Variants in DISP1 observed in about 807,000 individuals in gnomAD.
DISP1 encodes dispatched RND transporter family member 1.
A neutral mutation model predicts 37.3 loss-of-function variants in DISP1; 30 were observed. The observed-to-expected ratio is 0.80, with a 90% CI of 0.60 to 1.09. DISP1 has a LOEUF of 1.09. Ranked by LOEUF, DISP1 falls within the 50% of genes least tolerant of loss-of-function variation. The probability of loss-of-function intolerance (pLI) is 0.00; values close to 1 mark genes in which losing one functional copy is unlikely to be tolerated. For missense variants in DISP1, 1,598 were observed against 1,879.5 expected (o/e 0.85, Z 2.77); for synonymous variants, 634 against 690.2 (o/e 0.92, Z 1.28).
intron 1 of DISP1, among the ~76,000 whole-genome samples, chr1:222,905,286 C>T (rs185010956): frequency 2.0e-3 from 306 of 152,252 alleles, no homozygotes; most frequent in Admixed American, 3.8e-3. Context: ...AAAACATACA[C>T]CTGTGGTAAA....
chr1:222,859,111 G>T (rs769328008), intron 1 of DISP1, among the ~76,000 whole-genome samples: 1 of 152,174 alleles, frequency 6.6e-6, no homozygotes, highest in Non-Finnish European at 1.5e-5. Flanking sequence ...ACTGGATAAA[G>T]AAAATGTGAT....
chr1:222,921,841 C>T (rs1416231982), intron 1 of DISP1, among the ~76,000 whole-genome samples: 1 of 151,926 alleles, frequency 6.6e-6, no homozygotes, highest in Non-Finnish European at 1.5e-5. Flanking sequence ...TATAATAGAA[C>T]CTGTGCCTTT....
At chr1:222,978,531 C>G (rs1481694852) in intron 3 of DISP1, among the ~76,000 whole-genome samples, 15 of 152,138 alleles carry the variant, frequency 9.9e-5, no homozygotes, top group African/African-American at 4.8e-5. Flanking sequence ...TTAATTAGAT[C>G]CGATTTGTCA....
At position 222,893,900 on chromosome 1, in the gene DISP1, A is replaced by G. The variant is rs769838232; in HGVS notation, c.-158-34530A>G. On this transcript the variant is annotated intron_variant, in intron 1 of 8. Transcript: ENST00000675850. The surrounding 1 kb of genome is among the most constrained non-coding windows in gnomAD (Gnocchi z 4.3). ...GTCCCGTGTCCAGGAATAATGAGGTACATGGACAACTGGAGTGTGAGCAAG... is the reference window on the plus strand; with the variant it reads ...GTCCCGTGTCCAGGAATAATGAGGTGCATGGACAACTGGAGTGTGAGCAAG... 5.5e-4 allele frequency among the ~76,000 whole-genome samples: 83 copies of G among 152,210 alleles called. No homozygotes were observed. The highest frequency in any genetic ancestry group is 5.6e-4 in the Non-Finnish European group (38 of 68,032).
chr1:222,927,343 TTTC>T (rs1370139046), intron 1 of DISP1, among the ~76,000 whole-genome samples: 2 of 152,320 alleles, frequency 1.3e-5, no homozygotes, highest in African/African-American at 4.8e-5. Context: ...GCCATTTGTA[TTTC>T]TTCTTTAGAG....
At chr1:222,846,580 G>A (rs963940091) in intron 1 of DISP1, among the ~76,000 whole-genome samples, 1 of 152,242 alleles carries the variant, frequency 6.6e-6, no homozygotes, top group African/African-American at 2.4e-5. Context: ...AAGCAGGGAA[G>A]AGGAGAAATC....
At position 222,983,073 on chromosome 1, in the gene DISP1, T is replaced by G; in HGVS notation, c.510-7T>G. On this transcript the variant is annotated splice_polypyrimidine_tract_variant and splice_region_variant and intron_variant, in intron 3 of 8. Transcript: ENST00000675850. ...GATCATTTTTCCTTTGCTTTTTTTT[T>G]TTTCAGACCATCCAGACCTTTCAAG... 1 of 1,596,208 alleles carries G rather than the reference T, an allele frequency of 6.3e-7. No homozygotes were observed. Among genetic ancestry groups the G allele is most frequent in the Non-Finnish European group, 8.5e-7 (1 of 1,172,928 alleles).
In DISP1 at chr1:222,854,416, C is replaced by T. The variant is rs149883572; in HGVS notation, c.-159+39338C>T. 4.6e-5 allele frequency among the ~76,000 whole-genome samples: 7 copies of T among 152,262 alleles called. No individual in the cohort carries two copies. In the East Asian group the frequency reaches 9.7e-4, roughly 21 times the overall value. ...AAATGCCACATGCTTATAAAACCAT[C>T]AGATCTTGTGAGACTCACTCTTTAT... is the stretch of plus-strand genomic sequence containing the variant. On this transcript the variant is annotated intron_variant, in intron 1 of 8. Transcript: ENST00000675850.
At chr1:222,981,785 A>G (rs886660206) in intron 3 of DISP1, among the ~76,000 whole-genome samples, 13 of 152,236 alleles carry the variant, frequency 8.5e-5, no homozygotes, top group Non-Finnish European at 1.8e-4. Flanking sequence ...TTCTCCAAGT[A>G]TGGTACAGTC....
At chr1:222,948,727 C>A (rs927792279) in intron 3 of DISP1, among the ~76,000 whole-genome samples, 1 of 152,120 alleles carries the variant, frequency 6.6e-6, no homozygotes, top group Admixed American at 6.5e-5. Context: ...CTTCACATTA[C>A]TTTAAAGGAT....
At chr1:222,899,792 T>A (rs369886555) in intron 1 of DISP1, 14 of 152,352 alleles carry the variant, frequency 9.2e-5, no homozygotes, top group African/African-American at 3.1e-4. Context: ...GTCTCACTCT[T>A]GCCCGGGCTG....
At chr1:222,969,370 C>CAAAAAA (rs71178518) in intron 3 of DISP1, among the ~76,000 whole-genome samples, 790 of 29,864 alleles carry the variant, frequency 0.026, 63 homozygotes, top group South Asian at 0.22. Context: ...AACTTGGTCT[C>CAAAAAA]AAAAAAAAAA....
chr1:222,916,518 T>G lies in DISP1; in HGVS notation c.-158-11912T>G, dbSNP rs560919325. On this transcript the variant is annotated intron_variant, in intron 1 of 8. Transcript: ENST00000675850. ...GCCAATCAATTGTAATGAGTTTTGT[T>G]TCAGTGTTTTTGAAATGGCATTTGC... Among the ~76,000 whole-genome samples the G allele has an allele frequency of 7.2e-5, 11 of 152,330 alleles. No individual in the cohort carries two copies. In the East Asian group the frequency reaches 7.7e-4, roughly 11 times the overall value.
At chr1:222,902,184 C>G (rs1371182334) in intron 1 of DISP1, among the ~76,000 whole-genome samples, 4 of 152,108 alleles carry the variant, frequency 2.6e-5, no homozygotes, top group Non-Finnish European at 5.9e-5. Context: ...TTAGTTACTT[C>G]TTGCCTTCTG....
chr1:223,003,397 T>A lies in DISP1; in HGVS notation c.2000T>A (p.Phe667Tyr). 1 of 1,614,100 alleles carries A rather than the reference T, an allele frequency of 6.2e-7. No homozygotes were observed. Among genetic ancestry groups the A allele is most frequent in the Non-Finnish European group, 8.5e-7 (1 of 1,180,032 alleles). Residue 667 changes from phenylalanine (F) to tyrosine (Y), a missense_variant, in exon 9 of 9, where the codon TTC (phenylalanine) becomes TAC (tyrosine). Phe to Tyr is a conservative substitution (Grantham distance 22). Transcript: ENST00000675850. This position sits in a 1 kb window ranked among gnomAD's most constrained non-coding sequence, Gnocchi z 4.3. ...VLHERYLLNI[F>Y]TCFKKPQQQI... ...CATGAGCGGTATCTTCTTAATATAT[T>A]CACTTGCTTCAAAAAGCCCCAGCAG...
At chr1:222,981,608 T>A (rs1677843342) in intron 3 of DISP1, among the ~76,000 whole-genome samples, 1 of 152,222 alleles carries the variant, frequency 6.6e-6, no homozygotes, top group African/African-American at 2.4e-5. Flanking sequence ...TAAATGTTTC[T>A]TTTTAAGAGT....
In DISP1 at chr1:222,895,151, A is replaced by T. The variant is rs570177593; in HGVS notation, c.-158-33279A>T. 5.3e-5 allele frequency among the ~76,000 whole-genome samples: 8 copies of T among 152,306 alleles called. No individual in the cohort carries two copies. The South Asian group carries it at 1.7e-3, about 32-fold the overall frequency. On this transcript the variant is annotated intron_variant, in intron 1 of 8. Transcript: ENST00000675850. ...AGTACACTCACATTTCTTAATTGTG[A>T]TGGGCAAAGGGCAGGGCTGAGATAC...
chr1:222,886,860 T>C (rs1670628867), intron 1 of DISP1, among the ~76,000 whole-genome samples: 1 of 152,206 alleles, frequency 6.6e-6, no homozygotes. Context: ...GAGAGATCAT[T>C]TGGAATTAAT....
chr1:222,898,513 C>T (rs1380740342), intron 1 of DISP1, among the ~76,000 whole-genome samples: 2 of 150,092 alleles, frequency 1.3e-5, no homozygotes, highest in Non-Finnish European at 3.0e-5. Flanking sequence ...TACACTTATC[C>T]CTTAAACCAT....
Sources: gnomAD v4.1 joint callset for allele counts (sites outside exome capture counted in the v4.1 genomes callset) on GRCh38, gnomAD v4.1.1 for gene constraint, Gnocchi (gnomAD v3.1) non-coding constraint, MANE v1.5 for transcripts, NCBI Gene and HGNC (gene_info 2026-07-23, HGNC 2026-07-21) for gene names.